Variants in CERT1 observed in about 807,000 individuals in gnomAD.
The protein encoded by CERT1 is ceramide transfer protein.
In CERT1, 31 loss-of-function variants were observed where a neutral mutation model predicts 87.9. That is an observed-to-expected ratio of 0.35 (90% CI 0.27 to 0.48). The LOEUF is 0.48. Among genes scored for constraint, CERT1 ranks in the 20% least tolerant of loss-of-function variants. The probability of loss-of-function intolerance (pLI) is 0.99; values close to 1 mark genes in which losing one functional copy is unlikely to be tolerated. For synonymous variants in CERT1, 289 were observed against 250.9 expected (o/e 1.15, Z -1.44); for missense variants, 487 against 758.0 (o/e 0.64, Z 4.20).
intron 3 of CERT1, among the ~76,000 whole-genome samples, chr5:75,442,968 T>C (rs755847898): frequency 3.3e-5 from 5 of 152,174 alleles, no homozygotes; most frequent in Non-Finnish European, 7.4e-5. Flanking sequence ...AATTTATATA[T>C]ATACATATAG....
At chr5:75,452,888 G>A (rs1764820749) in intron 3 of CERT1, among the ~76,000 whole-genome samples, 1 of 152,108 alleles carries the variant, frequency 6.6e-6, no homozygotes, top group East Asian at 1.9e-4. Flanking sequence ...GAGAAATGCA[G>A]AATATTAATG....
intron 5 of CERT1, 170 bp downstream of exon 5, chr5:75,425,191 T>C (rs1763558850): frequency 3.4e-6 from 2 of 582,176 alleles, no homozygotes; most frequent in Non-Finnish European, 6.0e-6. Context: ...AATTAGTATG[T>C]GTAACTGAAG....
At chr5:75,375,618 T>TAAATAAATAAATA (rs1561216216), downstream of CERT1, 1 of 136,656 alleles carries the variant, frequency 7.3e-6, no homozygotes, top group East Asian at 2.0e-4. Context: ...AATAAATAAA[T>TAAATAAATAAATA]AAATAAATAA....
chr5:75,400,800 T>C (rs1355772041), intron 9 of CERT1: 1 of 146,820 alleles, frequency 6.8e-6, no homozygotes, highest in African/African-American at 2.7e-5. Context: ...CTGCCCTTCA[T>C]CTCATCATCT....
At chr5:75,501,841 C>T (rs898812667) in intron 2 of CERT1, among the ~76,000 whole-genome samples, 11 of 151,972 alleles carry the variant, frequency 7.2e-5, no homozygotes, top group African/African-American at 2.4e-4. Context: ...AAATAACTTC[C>T]ACAGGAATCA....
intron 2 of CERT1, among the ~76,000 whole-genome samples, chr5:75,471,948 A>G (rs1400832533): frequency 6.6e-6 from 1 of 152,174 alleles, no homozygotes; most frequent in East Asian, 1.9e-4. Flanking sequence ...TGGAACCAGA[A>G]AAGACCCCAA....
intron 7 of CERT1, 122 bp from the exon 8 acceptor site, chr5:75,411,225 C>T: frequency 1.7e-6 from 1 of 605,466 alleles, no homozygotes; most frequent in Non-Finnish European, 2.9e-6. Context: ...AAAAATTCCA[C>T]TCCTGTGAAA....
Position 75,458,407 on chromosome 5 carries a change from G to T in CERT1, c.348+658C>A, listed in dbSNP as rs143451598. 2.1e-3 allele frequency among the ~76,000 whole-genome samples: 316 copies of T among 152,062 alleles called. 1 individual carries two copies. The East Asian group carries it at 0.027, about 13-fold the overall frequency. ...TCAACATTGAAACTTTTATAAGTTG[G>T]GGTTTTATAATCCAATGTTATTTCA... On this transcript the variant is annotated intron_variant, in intron 3 of 16. Coordinates refer to ENST00000643780, the MANE Select transcript of CERT1 (RefSeq NM_001379029.1).
chr5:75,455,293 C>T (rs1764933302), intron 3 of CERT1, among the ~76,000 whole-genome samples: 1 of 152,202 alleles, frequency 6.6e-6, no homozygotes, highest in South Asian at 2.1e-4. Context: ...CTTCTTCAAG[C>T]ATCTTGACAA....
intron 2 of CERT1, among the ~76,000 whole-genome samples, chr5:75,462,220 A>G (rs1765261702): frequency 6.6e-6 from 1 of 152,038 alleles, no homozygotes; most frequent in African/African-American, 2.4e-5. Context: ...TTGAGAGGTG[A>G]TAAATATAAG....
intron 2 of CERT1, among the ~76,000 whole-genome samples, chr5:75,491,458 C>A (rs1327449100): frequency 2.0e-5 from 3 of 152,002 alleles, no homozygotes; most frequent in Non-Finnish European, 4.4e-5. Context: ...CTTTGAAATC[C>A]TTTTCCTGTA....
At chr5:75,409,754 C>A (rs1762852916) in intron 8 of CERT1, among the ~76,000 whole-genome samples, 1 of 151,472 alleles carries the variant, frequency 6.6e-6, no homozygotes, top group Admixed American at 6.6e-5. Context: ...GTCTCGAGCT[C>A]TTGACCTTGT....
Position 75,379,254 on chromosome 5 carries a change from A to G in CERT1, c.*92T>C, listed in dbSNP as rs1352477735. ...AGGGGAACATCAAAAAACATAGTAAATACTTTCAACAACTAAATTTTAGTA... is the reference window on the plus strand; with the variant it reads ...AGGGGAACATCAAAAAACATAGTAAGTACTTTCAACAACTAAATTTTAGTA... On this transcript the variant is annotated 3_prime_UTR_variant, in exon 17 of 17. Coordinates refer to ENST00000643780, the MANE Select transcript of CERT1 (RefSeq NM_001379029.1). 3 of 1,151,148 alleles carry G rather than the reference A, an allele frequency of 2.6e-6. No homozygotes were observed. The African/African-American group carries it at 4.7e-5, about 18-fold the overall frequency. The allele number at this position is 1,151,148 out of a possible 1,614,324, so 71.3% of individuals were successfully genotyped here.
chr5:75,487,584 G>T (rs970740486), intron 2 of CERT1, among the ~76,000 whole-genome samples: 1 of 151,960 alleles, frequency 6.6e-6, no homozygotes, highest in South Asian at 2.1e-4. Context: ...TCTGACAAGG[G>T]ATTAATAACC....
At chr5:75,420,468 C>T (rs531527545) in intron 5 of CERT1, among the ~76,000 whole-genome samples, 2 of 151,766 alleles carry the variant, frequency 1.3e-5, no homozygotes, top group South Asian at 2.1e-4. Context: ...CTCAGCCTCC[C>T]GAGTAGCTGG....
intron 7 of CERT1, among the ~76,000 whole-genome samples, chr5:75,415,517 G>A (rs1763099918): frequency 6.6e-6 from 1 of 152,084 alleles, no homozygotes; most frequent in South Asian, 2.1e-4. Context: ...TTTCAACATG[G>A]CAAATAAACT....
At chr5:75,397,015 T>C (rs1333044531) in intron 11 of CERT1, among the ~76,000 whole-genome samples, 1 of 152,190 alleles carries the variant, frequency 6.6e-6, no homozygotes, top group African/African-American at 2.4e-5. Context: ...CAGAATCAAC[T>C]TGCTAGATCC....
At chr5:75,438,977 T>C (rs1256583126) in intron 3 of CERT1, among the ~76,000 whole-genome samples, 1 of 151,662 alleles carries the variant, frequency 6.6e-6, no homozygotes, top group African/African-American at 2.4e-5. Flanking sequence ...AAATTAACAA[T>C]CTTTTGGCCA....
At chr5:75,480,963 C>T (rs1359699484) in intron 2 of CERT1, among the ~76,000 whole-genome samples, 1 of 152,176 alleles carries the variant, frequency 6.6e-6, no homozygotes, top group Non-Finnish European at 1.5e-5. Context: ...TTCCTGCTTC[C>T]ATCCCTGCCT....
Sources: allele counts gnomAD v4.1 joint callset (sites outside exome capture counted in the v4.1 genomes callset), GRCh38; gene constraint gnomAD v4.1.1; transcripts MANE v1.5; gene names NCBI Gene and HGNC (gene_info 2026-07-23, HGNC 2026-07-21).